The following MUC6 variants were observed in gnomAD, a reference collection of about 807,000 sequenced individuals.
MUC6 encodes mucin 6, oligomeric mucus/gel-forming (gene/pseudogene).
MUC6 carries 188 observed loss-of-function variants against 201.5 expected under a neutral mutation model. That is an observed-to-expected ratio of 0.93 (90% CI 0.83 to 1.05). The LOEUF (loss-of-function observed/expected upper bound fraction) is 1.05. Ranked by LOEUF, MUC6 falls within the 50% of genes least tolerant of loss-of-function variation. The pLI is 0.00. For synonymous variants in MUC6, 1,228 were observed against 1,389.4 expected, an observed-to-expected ratio of 0.88 and a Z score of 2.58; for missense variants, 2,706 against 3,256.9, an observed-to-expected ratio of 0.83 and a Z score of 4.12.
chr11:1,013,667 C>A, intron 32 of MUC6, 34 bp from the exon 33 acceptor site: 4 of 1,543,918 alleles, frequency 2.6e-6, no homozygotes, highest in Non-Finnish European at 3.5e-6. Context: ...AGGGTCATGA[C>A]TGCTGCAGGG....
chr11:1,028,465 G>A (rs770136644), intron 13 of MUC6, 78 bp from the exon 14 acceptor site: 48 of 1,563,512 alleles, frequency 3.1e-5, no homozygotes, highest in Non-Finnish European at 3.9e-5. Context: ...TGGAGCTCCC[G>A]TCCTTCCTCT....
In MUC6 at chr11:1,033,142, T is replaced by A; in HGVS notation, c.53-67A>T. The stretch of plus-strand genomic sequence containing the variant: ...CGTCCCTGAGGGCGCCGCTCACCTC[T>A]GCTCAGGGCTGCTCCGCCCGTTTCC... On this transcript the variant is annotated intron_variant, in intron 1 of 32. Coordinates refer to ENST00000421673, the MANE Select transcript of MUC6 (RefSeq NM_005961.3). This position sits in a 1 kb window ranked among gnomAD's most constrained non-coding sequence, Gnocchi z 5.6. 6.9e-7 allele frequency: 1 copy of A among 1,449,276 alleles called. No individual in the cohort carries two copies. 89.8% of individuals were successfully genotyped at this position (1,449,276 alleles called of 1,614,324 possible). A position where few individuals can be genotyped will look rare whatever the true frequency, so the allele number is the denominator to read the frequency against.
chr11:1,025,954 G>A (rs370407013), intron 21 of MUC6, 39 bp from the exon 22 acceptor site: 96 of 1,593,552 alleles, frequency 6.0e-5, no homozygotes, highest in Middle Eastern at 3.3e-4. Flanking sequence ...CCTGGAGGCC[G>A]TGCCTCTGGG....
In MUC6 at chr11:1,024,108, A is replaced by G; in HGVS notation, c.3226-5T>C. 6.2e-7 allele frequency: 1 copy of G among 1,611,500 alleles called. No homozygotes were observed. The highest frequency in any genetic ancestry group is 8.5e-7 in the Non-Finnish European group (1 of 1,179,506). On this transcript the variant is annotated splice_polypyrimidine_tract_variant and splice_region_variant and intron_variant, in intron 24 of 32. Transcript: ENST00000421673. ...GTAGTAGGGCAGGTGGTATACCTGCAGGGGTGTGTGCCAGTCAGTGTCTGG... is the reference window on the plus strand; with the variant it reads ...GTAGTAGGGCAGGTGGTATACCTGCGGGGGTGTGTGCCAGTCAGTGTCTGG...
At chr11:1,018,897 C>G in intron 30 of MUC6, 127 bp from the exon 31 acceptor site, 1 of 1,229,518 alleles carries the variant, frequency 8.1e-7, no homozygotes, top group Non-Finnish European at 1.1e-6. Context: ...GTGACATGGC[C>G]CCTGCTGGGC....
chr11:1,024,148 C>G (rs767395442), intron 24 of MUC6, 45 bp from the exon 25 acceptor site: 3 of 1,581,018 alleles, frequency 1.9e-6, no homozygotes, highest in Non-Finnish European at 2.6e-6. Flanking sequence ...CGGGGGATGG[C>G]GGGGCATCAG....
rs773526436 is a variant in MUC6 at position 1,024,044 on chromosome 11, G to A, written c.3285C>T (p.Gly1095=). The change falls in exon 25 of 33, where the codon GGC becomes GGT. Residue 1095 remains glycine (G), a synonymous_variant. Transcript: ENST00000421673. ...CATCGCACAGACACTCACAGTCCCC[G>A]CCACTGTCACACCCACATGCGTCGC... is the stretch of plus-strand genomic sequence containing the variant. ...CVRDACGCDS[G]GDCECLCDAV... The A allele has an allele frequency of 3.7e-6, 6 of 1,613,054 alleles. No homozygotes were observed. The highest frequency in any genetic ancestry group is 2.2e-5 in the East Asian group (1 of 44,876).
chr11:1,013,843 G>A (rs1017928495), intron 32 of MUC6, 56 bp downstream of exon 32: 2 of 1,535,304 alleles, frequency 1.3e-6, no homozygotes, highest in African/African-American at 2.7e-5. Context: ...CCTCTCTGGG[G>A]TGGGGTTGTG....
Position 1,016,467 on chromosome 11 carries a change from G to C in MUC6, c.6334C>G (p.Pro2112Ala), listed in dbSNP as rs775434160. Residue 2112 changes from proline (P) to alanine (A), a missense_variant, in exon 31 of 33, where the codon CCC (proline) becomes GCC (alanine). Pro to Ala is a conservative substitution (Grantham distance 27, BLOSUM62 -1). Transcript: ENST00000421673. The part of the protein sequence containing the change: ...PPSSPITTQL[P>A]HLSSATTPVS... ...GGAGTGGTTGCAGAACTCAAGTGGG[G>C]GAGTTGTGTGGTGATAGGTGATGAC... 1 of 1,613,720 alleles carries C rather than the reference G, an allele frequency of 6.2e-7. No individual in the cohort carries two copies. The highest frequency in any genetic ancestry group is 8.5e-7 in the Non-Finnish European group (1 of 1,179,840).
At chr11:1,025,773 C>A in intron 22 of MUC6, 32 bp downstream of exon 22, 1 of 1,581,074 alleles carries the variant, frequency 6.3e-7, no homozygotes, top group Non-Finnish European at 8.6e-7. Context: ...TACCGCCCGT[C>A]CTGCCCTGCC....
At chr11:1,029,747 C>T (rs971437780) in intron 8 of MUC6, 132 bp from the exon 9 acceptor site, 14 of 1,245,068 alleles carry the variant, frequency 1.1e-5, no homozygotes, top group Admixed American at 3.1e-5. Context: ...TCCAGGGAGA[C>T]GCCCCTCCAG....
intron 28 of MUC6, 49 bp from the exon 29 acceptor site, chr11:1,020,306 TG>T (rs1226119916): frequency 6.4e-7 from 1 of 1,551,604 alleles, no homozygotes; most frequent in South Asian, 1.2e-5. Context: ...GGCATATCCT[TG>T]GGGAGCACCC....
chr11:1,032,717 G>A (rs1339987233), intron 2 of MUC6, among the ~76,000 whole-genome samples: 2 of 151,646 alleles, frequency 1.3e-5, no homozygotes, highest in African/African-American at 4.8e-5. Flanking sequence ...TAGGTTGTGT[G>A]TGTTGGGTGT....
chr11:1,025,954 G>T (rs370407013), intron 21 of MUC6, 39 bp from the exon 22 acceptor site: 2 of 1,593,436 alleles, frequency 1.3e-6, no homozygotes, highest in South Asian at 1.1e-5. Flanking sequence ...CCTGGAGGCC[G>T]TGCCTCTGGG....
In MUC6 at chr11:1,015,851, C is replaced by G. The variant is rs757773646; in HGVS notation, c.6950G>C (p.Arg2317Pro). The change falls in exon 31 of 33, where the codon CGG (arginine) becomes CCG (proline). Residue 2317 changes from arginine (R) to proline (P), a missense_variant. By Grantham distance (103) the Arg-to-Pro change is moderately radical. Coordinates refer to ENST00000421673, the MANE Select transcript of MUC6 (RefSeq NM_005961.3). Reference protein sequence around the residue: ...HPGPTLSPTTRFLTSSLTAHG... With the variant: ...HPGPTLSPTTPFLTSSLTAHG... ...GGCAGTGAGGGAGCTGGTCAGGAACCGTGTGGTAGGCGACAAGGTGGGACC... is the reference window on the plus strand; with the variant it reads ...GGCAGTGAGGGAGCTGGTCAGGAACGGTGTGGTAGGCGACAAGGTGGGACC... The G allele has an allele frequency of 6.2e-7, 1 of 1,603,942 alleles. No individual in the cohort carries two copies. The highest frequency in any genetic ancestry group is 2.2e-5 in the East Asian group (1 of 44,732).
intron 1 of MUC6, among the ~76,000 whole-genome samples, chr11:1,034,442 GC>G (rs979432056): frequency 2.6e-5 from 4 of 152,172 alleles, no homozygotes; most frequent in Non-Finnish European, 5.9e-5. Flanking sequence ...ATGGTCCTCA[GC>G]CCCCCGCCAT....
At position 1,027,791 on chromosome 11, in the gene MUC6, G is replaced by T; in HGVS notation, c.1875C>A (p.Tyr625Ter). 1 of 1,611,044 alleles carries T rather than the reference G, an allele frequency of 6.2e-7. No homozygotes were observed. The highest frequency in any genetic ancestry group is 8.5e-7 in the Non-Finnish European group (1 of 1,179,448). ...YKRCVYQACN[Y>*]EETFPHICAA... ...CACAGATGTGGGGAAAGGTCTCCTC[G>T]TAGTTGCAGGCCTGGTACACGCACC... The change falls in exon 16 of 33, where the codon TAC becomes TAA. Residue 625 changes from tyrosine to a stop codon, truncating the protein, a stop_gained. Coordinates refer to ENST00000421673, the MANE Select transcript of MUC6 (RefSeq NM_005961.3). LOFTEE classifies it high-confidence loss of function.
intron 8 of MUC6, 78 bp from the exon 9 acceptor site, chr11:1,029,693 C>G (rs996492648): frequency 2.7e-6 from 4 of 1,478,642 alleles, no homozygotes; most frequent in Non-Finnish European, 8.9e-7. Flanking sequence ...CAGGGAGACG[C>G]CCCCTCCAGC....
At chr11:1,025,388 AG>A in intron 22 of MUC6, 21 bp from the exon 23 acceptor site, 2 of 1,599,130 alleles carry the variant, frequency 1.3e-6, no homozygotes, top group Non-Finnish European at 1.7e-6. Context: ...GGGTTGGCAT[AG>A]GACTGCCTGT....
Sources: allele counts gnomAD v4.1 joint callset (sites outside exome capture counted in the v4.1 genomes callset), GRCh38; gene constraint gnomAD v4.1.1; non-coding constraint Gnocchi (gnomAD v3.1); transcripts MANE v1.5; gene names NCBI Gene and HGNC (gene_info 2026-07-23, HGNC 2026-07-21).